RTN4IP1: variants seen among roughly 807,000 people sequenced by gnomAD.
The protein encoded by RTN4IP1 is reticulon 4 interacting protein 1, also known as NAD(P)H oxidoreductase RTN4IP1, mitochondrial.
Under a neutral mutation model 46.6 loss-of-function variants are expected in RTN4IP1, and 32 were observed. The ratio of observed to expected loss-of-function variants is 0.69; its 90% CI spans 0.52 to 0.92. RTN4IP1 has a LOEUF of 0.92. Ranked by LOEUF, RTN4IP1 falls within the 40% of genes least tolerant of loss-of-function variation. The pLI, the probability that RTN4IP1 is intolerant of heterozygous loss-of-function variation, is 0.00. For synonymous variants in RTN4IP1, 167 were observed against 161.8 expected (o/e 1.03, Z -0.24); for missense variants, 424 against 485.8 (o/e 0.87, Z 1.20).
chr6:106,574,443 C>CAA (rs111444349), intron 8 of RTN4IP1, among the ~76,000 whole-genome samples: 14 of 136,360 alleles, frequency 1.0e-4, no homozygotes, highest in Admixed American at 2.2e-4. Context: ...ACTCTGTCTC[C>CAA]AAAAAAAAAA....
chr6:106,580,353 T>C (rs1480634638), intron 8 of RTN4IP1, among the ~76,000 whole-genome samples: 3 of 151,940 alleles, frequency 2.0e-5, no homozygotes, highest in Non-Finnish European at 4.4e-5. Flanking sequence ...AGAAGGGGCC[T>C]AGAAGGTAGG....
chr6:106,580,204 ACT>A (rs1429422976), intron 8 of RTN4IP1, among the ~76,000 whole-genome samples: 54 of 130,926 alleles, frequency 4.1e-4, no homozygotes, highest in African/African-American at 1.6e-3. Flanking sequence ...ACAGAGCAAG[ACT>A]CTGTCTCAAA....
intron 4 of RTN4IP1, among the ~76,000 whole-genome samples, chr6:106,613,976 A>C (rs1251892015): frequency 6.6e-6 from 1 of 152,220 alleles, no homozygotes; most frequent in Non-Finnish European, 1.5e-5. Context: ...TCACCCTTCA[A>C]GATCAGACCA....
At chr6:106,625,661 C>CTTTTT (rs773454257) in intron 1 of RTN4IP1, among the ~76,000 whole-genome samples, 12 of 112,804 alleles carry the variant, frequency 1.1e-4, no homozygotes, top group East Asian at 2.9e-4. Flanking sequence ...TCTTTTTTTT[C>CTTTTT]TTTTTTTTTT....
chr6:106,619,606 A>AT (rs869120910), intron 3 of RTN4IP1, among the ~76,000 whole-genome samples: 7,297 of 110,432 alleles, frequency 0.066, 371 homozygotes, highest in African/African-American at 0.077. Flanking sequence ...ACTTTTCTTC[A>AT]TTTTTTTTTT....
Position 106,571,896 on chromosome 6 carries a change from T to C in RTN4IP1, c.*100A>G. 1 of 727,230 alleles carries C rather than the reference T, an allele frequency of 1.4e-6. No individual in the cohort carries two copies. Among genetic ancestry groups the C allele is most frequent in the East Asian group, 2.6e-5 (1 of 39,028 alleles). The allele number at this position is 727,230 out of a possible 1,614,324, so 45.0% of individuals were successfully genotyped here. A position where few individuals can be genotyped will look rare whatever the true frequency, so the allele number is the denominator to read the frequency against. On this transcript the variant is annotated 3_prime_UTR_variant, in exon 9 of 9. Transcript: ENST00000369063. ...AGCTTGTATCATGGAATGTATAATC[T>C]AATCTGGAAAAATGTTTGAAAGGGA...
chr6:106,588,699 T>C (rs1775545585), intron 6 of RTN4IP1, among the ~76,000 whole-genome samples: 1 of 152,270 alleles, frequency 6.6e-6, no homozygotes, highest in African/African-American at 2.4e-5. Flanking sequence ...AATCAGTTGA[T>C]GAATTCCTTT....
intron 4 of RTN4IP1, among the ~76,000 whole-genome samples, chr6:106,613,497 T>C (rs1343094641): frequency 6.6e-6 from 1 of 152,204 alleles, no homozygotes; most frequent in Non-Finnish European, 1.5e-5. Flanking sequence ...CAACACTATA[T>C]GGAAGAGGTT....
At chr6:106,578,576 G>T (rs147608008) in intron 8 of RTN4IP1, among the ~76,000 whole-genome samples, 8 of 152,322 alleles carry the variant, frequency 5.3e-5, no homozygotes, top group African/African-American at 1.9e-4. Flanking sequence ...TACCAACCCA[G>T]TACGCTTAAG....
chr6:106,628,812 A>T lies in RTN4IP1; in HGVS notation c.210T>A (p.Tyr70Ter). 1 of 1,614,018 alleles carries T rather than the reference A, an allele frequency of 6.2e-7. No individual in the cohort carries two copies. The highest frequency in any genetic ancestry group is 8.5e-7 in the Non-Finnish European group (1 of 1,179,920). ...TQNMMMPIIHYPNEVIVKVHA... is the reference protein window; with the variant it reads ...TQNMMMPIIH ...GAACTTTGACAATGACTTCATTTGG[A>T]TAGTGTATGATAGGCATCATCATGT... Residue 70 changes from tyrosine (Y) to a stop codon, truncating the protein, a stop_gained, in exon 1 of 9, where the codon TAT becomes TAA. Transcript: ENST00000369063. LOFTEE classifies it high-confidence loss of function.
chr6:106,572,567 CTG>C (rs767626578), intron 8 of RTN4IP1, among the ~76,000 whole-genome samples: 20 of 152,194 alleles, frequency 1.3e-4, no homozygotes, highest in African/African-American at 4.6e-4. Flanking sequence ...AGGTCTCACA[CTG>C]TGTGTCCTCA....
chr6:106,609,375 T>G (rs906527761), intron 4 of RTN4IP1, among the ~76,000 whole-genome samples: 2 of 152,096 alleles, frequency 1.3e-5, no homozygotes, highest in Non-Finnish European at 2.9e-5. Flanking sequence ...GGCAACATCA[T>G]GAGATCACAT....
At chr6:106,625,661 CTTTTTTT>C (rs773454257) in intron 1 of RTN4IP1, among the ~76,000 whole-genome samples, 1 of 112,798 alleles carries the variant, frequency 8.9e-6, no homozygotes, top group Non-Finnish European at 1.8e-5. Context: ...TCTTTTTTTT[CTTTTTTT>C]TTTTTTTTTT....
At chr6:106,629,620 G>T, upstream of RTN4IP1, 2 of 1,561,510 alleles carry the variant, frequency 1.3e-6, no homozygotes, top group South Asian at 1.2e-5. Flanking sequence ...CATCACTAGC[G>T]ACCGGTGACC....
chr6:106,599,834 TC>T (rs201825363), intron 5 of RTN4IP1, among the ~76,000 whole-genome samples: 2 of 148,262 alleles, frequency 1.3e-5, no homozygotes. Flanking sequence ...TCTTGTGCTG[TC>T]CTTTTTTTTT....
At chr6:106,581,592 C>T (rs1252812723) in intron 8 of RTN4IP1, among the ~76,000 whole-genome samples, 1 of 152,224 alleles carries the variant, frequency 6.6e-6, no homozygotes, top group Non-Finnish European at 1.5e-5. Context: ...CAAGCCCAAA[C>T]AGCTTGTGCA....
At chr6:106,629,601 C>G (rs1287721520), upstream of RTN4IP1, 3 of 1,518,888 alleles carry the variant, frequency 2.0e-6, no homozygotes, top group African/African-American at 1.4e-5. Flanking sequence ...GATGGCTGCG[C>G]CCATGTAACA....
intron 8 of RTN4IP1, among the ~76,000 whole-genome samples, chr6:106,575,798 C>A (rs1775212357): frequency 6.6e-6 from 1 of 152,206 alleles, no homozygotes; most frequent in African/African-American, 2.4e-5. Context: ...AAAACAAGGA[C>A]CCAGGACTCC....
At chr6:106,616,144 C>T (rs1393320191) in intron 4 of RTN4IP1, among the ~76,000 whole-genome samples, 2 of 152,168 alleles carry the variant, frequency 1.3e-5, no homozygotes, top group East Asian at 1.9e-4. Flanking sequence ...GTCTCGATCT[C>T]CTGACCTCTT....
Sources: gnomAD v4.1 joint callset for allele counts (sites outside exome capture counted in the v4.1 genomes callset) on GRCh38, gnomAD v4.1.1 for gene constraint, MANE v1.5 for transcripts, NCBI Gene and HGNC (gene_info 2026-07-23, HGNC 2026-07-21) for gene names.